IZUMO2: variants seen among roughly 807,000 people sequenced by gnomAD.
IZUMO2 encodes the protein izumo sperm-egg fusion protein 2.
Under a neutral mutation model 31.2 loss-of-function variants are expected in IZUMO2, and 24 were observed. That is an observed-to-expected ratio of 0.77 (90% CI 0.56 to 1.08). The LOEUF (loss-of-function observed/expected upper bound fraction) is 1.08. Ranked by LOEUF, IZUMO2 falls within the 50% of genes least tolerant of loss-of-function variation. The pLI is 0.00. For synonymous variants in IZUMO2, 144 were observed against 117.3 expected (o/e 1.23, Z -1.47); for missense variants, 278 against 274.0 (o/e 1.01, Z -0.10).
chr19:50,159,363 A>G (rs2030320316), intron 3 of IZUMO2, 113 bp from the exon 4 acceptor site: 2 of 1,296,956 alleles, frequency 1.5e-6, no homozygotes, highest in Admixed American at 2.0e-5. Context: ...AGAGAAGGGA[A>G]GATTGGGGAG....
At chr19:50,154,832 G>C (rs1967670937) in intron 5 of IZUMO2, 106 bp from the exon 6 acceptor site, 1 of 1,307,246 alleles carries the variant, frequency 7.6e-7, no homozygotes, top group Non-Finnish European at 1.1e-6. Flanking sequence ...GGTGGGGGTG[G>C]GGCGCTCTCT....
At chr19:50,158,020 TCTTTTTCTAGC>T (rs1188716273) in intron 5 of IZUMO2, among the ~76,000 whole-genome samples, 6 of 151,980 alleles carry the variant, frequency 3.9e-5, no homozygotes, top group Non-Finnish European at 8.8e-5. Context: ...AAGAATAAAA[TCTTTTTCTAGC>T]ACCTGCCATT....
chr19:50,152,582 C>T lies in IZUMO2; in HGVS notation c.*27G>A. The T allele has an allele frequency of 6.2e-7, 1 of 1,600,454 alleles. No homozygotes were observed. Among genetic ancestry groups the T allele is most frequent in the East Asian group, 2.2e-5 (1 of 44,780 alleles). ...CACCAATTTTATTAAATTTATTTTC[C>T]TTTCTCCTTACCCCCAAACCACCGT... is the stretch of plus-strand genomic sequence containing the variant. On this transcript the variant is annotated 3_prime_UTR_variant, in exon 7 of 7. Transcript: ENST00000293405.
At chr19:50,159,421 GAA>G (rs1284457043) in intron 3 of IZUMO2, 71 bp downstream of exon 3, 1 of 1,298,246 alleles carries the variant, frequency 7.7e-7, no homozygotes, top group East Asian at 2.4e-5. Flanking sequence ...GAGTTTGGGA[GAA>G]AAAGTGGTAA....
At chr19:50,161,089 A>C (rs780003700) in intron 2 of IZUMO2, among the ~76,000 whole-genome samples, 3 of 150,004 alleles carry the variant, frequency 2.0e-5, no homozygotes, top group Non-Finnish European at 3.0e-5. Flanking sequence ...TCAATTCAAA[A>C]TCCTTGGTGC....
intron 2 of IZUMO2, 124 bp downstream of exon 2, chr19:50,162,615 A>T: frequency 1.2e-6 from 1 of 810,956 alleles, no homozygotes; most frequent in Non-Finnish European, 2.0e-6. Context: ...TCTGTCTCTT[A>T]AAAAAGAAAA....
intron 6 of IZUMO2, 26 bp from the exon 7 acceptor site, chr19:50,152,677 A>G: frequency 6.3e-7 from 1 of 1,594,528 alleles, no homozygotes; most frequent in Non-Finnish European, 8.6e-7. Context: ...AAGCCTGTAG[A>G]TTAGAATGAG....
In IZUMO2 at chr19:50,158,298, G is replaced by C. The variant is rs2030282460; in HGVS notation, c.466C>G (p.Pro156Ala). ...CAGTACTTTTTGTGGATACACTTGGGAGTGATCCTCTGGCAATGTAAACAG... is the reference window on the plus strand; with the variant it reads ...CAGTACTTTTTGTGGATACACTTGGCAGTGATCCTCTGGCAATGTAAACAG... ...LDCLHCQRIT[P>A]KCIHKKYCFV... Residue 156 changes from proline to alanine, a missense_variant, in exon 5 of 7, where the codon CCC becomes GCC. Transcript: ENST00000293405. 6.2e-7 allele frequency: 1 copy of C among 1,612,318 alleles called. No homozygotes were observed. Among genetic ancestry groups the C allele is most frequent in the South Asian group, 1.1e-5 (1 of 90,836 alleles).
At position 50,159,552 on chromosome 19, in the gene IZUMO2, G is replaced by A; in HGVS notation, c.336C>T (p.Thr112=). The A allele has an allele frequency of 6.2e-7, 1 of 1,613,362 alleles. No homozygotes were observed. The highest frequency in any genetic ancestry group is 1.1e-5 in the South Asian group (1 of 91,036). Residue 112 remains threonine, a synonymous_variant, in exon 3 of 7, where the codon ACC becomes ACT. Transcript: ENST00000293405. ...ATTCCTTGATCACATTCGCCCTGAG[G>A]GTCACCAGCTCTTCCAGCAGAGGCT... The part of the protein sequence containing the change: ...KDEPLLEELV[T]LRANVIKEFK...
intron 2 of IZUMO2, chr19:50,160,586 G>C (rs964342531): frequency 6.6e-6 from 1 of 150,952 alleles, no homozygotes; most frequent in Non-Finnish European, 1.5e-5. Flanking sequence ...AGGTTCAAGT[G>C]ATTCTCCTGC....
chr19:50,154,264 GTTTTTTTTTT>G (rs71180675), intron 6 of IZUMO2, among the ~76,000 whole-genome samples: 4 of 79,278 alleles, frequency 5.0e-5, no homozygotes, highest in Non-Finnish European at 5.0e-5. Flanking sequence ...AACTTTTAGC[GTTTTTTTTTT>G]TTTTTTTTTT....
rs376125382 is a variant in IZUMO2, at chr19:50,154,722, G to T, written c.501C>A (p.Asp167Glu). The change falls in exon 6 of 7, where the codon GAC becomes GAA. Residue 167 changes from aspartate (D) to glutamate (E), a missense_variant. By Grantham distance (45) the Asp-to-Glu change is conservative. Coordinates refer to ENST00000293405, the MANE Select transcript of IZUMO2 (RefSeq NM_152358.3). ...ACTGCAGGGCCACGCGGGGTTGCCG[G>T]TCGACTGGGGCGGGTGGGGAAACAG... ...KCIHKKYCFVDRQPRVALQYQ... is the reference protein window; with the variant it reads ...KCIHKKYCFVERQPRVALQYQ... 2 of 1,613,516 alleles carry T rather than the reference G, an allele frequency of 1.2e-6. No individual in the cohort carries two copies. The highest frequency in any genetic ancestry group is 2.7e-5 in the African/African-American group (2 of 74,896).
At chr19:50,159,951 G>A (rs745953788) in intron 2 of IZUMO2, 26 of 158,624 alleles carry the variant, frequency 1.6e-4, no homozygotes, top group Admixed American at 1.9e-4. Context: ...AAGTTCAAGC[G>A]ATTCTCCTGC....
rs761712265 is a variant in IZUMO2, at chr19:50,154,628, C to T, written c.595G>A (p.Val199Ile). The change falls in exon 6 of 7, where the codon GTC becomes ATC. Residue 199 changes from valine to isoleucine, a missense_variant. Coordinates refer to ENST00000293405, the MANE Select transcript of IZUMO2 (RefSeq NM_152358.3). ...LGILISVSLA[V>I]FVFVVIVVSA... The stretch of plus-strand genomic sequence containing the variant: ...ACCACGATGACCACGAAGACAAAGA[C>T]AGCCAGAGACACAGAAATGAGGATG... 1.1e-5 allele frequency: 17 copies of T among 1,613,932 alleles called. No individual in the cohort carries two copies. Among genetic ancestry groups the T allele is most frequent in the African/African-American group, 1.3e-5 (1 of 74,900 alleles).
In IZUMO2 at chr19:50,159,498, T is replaced by G; in HGVS notation, c.390A>C (p.Leu130Phe). Reference sequence around the variant, plus strand: ...TGGTGGAGAGATATGCTGCACCTTTTAATTCATATGAAATTAAAACTTTCT... The same window carrying G: ...TGGTGGAGAGATATGCTGCACCTTTGAATTCATATGAAATTAAAACTTTCT... ...EFKKVLISYE[L>F]KACNPKLCRL... Residue 130 changes from leucine to phenylalanine, a missense_variant, in exon 3 of 7, where the codon TTA becomes TTC. Physicochemically the swap from Leu to Phe is conservative, Grantham distance 22. Transcript: ENST00000293405. 6.2e-7 allele frequency: 1 copy of G among 1,603,244 alleles called. No homozygotes were observed. Among genetic ancestry groups the G allele is most frequent in the Non-Finnish European group, 8.5e-7 (1 of 1,170,152 alleles).
rs749850954 is a variant in IZUMO2 at position 50,163,008 on chromosome 19, G to GC, written c.186dup (p.Pro63AlafsTer37). On this transcript the variant is annotated frameshift_variant, in exon 1 of 7. Coordinates refer to ENST00000293405, the MANE Select transcript of IZUMO2 (RefSeq NM_152358.3). LOFTEE classifies it high-confidence loss of function. ...TTCAGCGCGTAGTCCCGGAAGAAAGGCCCCTCCATGCCCATCAGCACGGCC... is the reference window on the plus strand; with the variant it reads ...TTCAGCGCGTAGTCCCGGAAGAAAGGCCCCCTCCATGCCCATCAGCACGGCC... The GC allele has an allele frequency of 6.2e-7, 1 of 1,610,726 alleles. No homozygotes were observed. The highest frequency in any genetic ancestry group is 1.1e-5 in the South Asian group (1 of 90,940).
chr19:50,153,389 T>A (rs1213298518), intron 6 of IZUMO2, among the ~76,000 whole-genome samples: 1 of 152,036 alleles, frequency 6.6e-6, no homozygotes, highest in Admixed American at 6.6e-5. Context: ...ACAGCAGCAA[T>A]AGGAAATGAA....
intron 2 of IZUMO2, among the ~76,000 whole-genome samples, chr19:50,161,238 C>T (rs187281417): frequency 2.0e-5 from 3 of 151,912 alleles, no homozygotes; most frequent in African/African-American, 7.2e-5. Context: ...AATTCTCCTG[C>T]CTCAGCCTCC....
chr19:50,157,910 T>TCA (rs1262838532), intron 5 of IZUMO2, among the ~76,000 whole-genome samples: 80 of 110,846 alleles, frequency 7.2e-4, no homozygotes, highest in African/African-American at 2.4e-3. Context: ...AGAATCCATA[T>TCA]AAAAAAAAAA....
Sources: gnomAD v4.1 joint callset for allele counts (sites outside exome capture counted in the v4.1 genomes callset) on GRCh38, gnomAD v4.1.1 for gene constraint, MANE v1.5 for transcripts, NCBI Gene and HGNC (gene_info 2026-07-23, HGNC 2026-07-21) for gene names.